The following CCDC148 variants were observed in gnomAD, a reference collection of about 807,000 sequenced individuals.
CCDC148 encodes the protein coiled-coil domain containing 148.
In CCDC148, 89 loss-of-function variants were observed where a neutral mutation model predicts 85.7. That is an observed-to-expected ratio of 1.04 (90% CI 0.87 to 1.24). CCDC148 has a LOEUF of 1.24. Ranked by LOEUF, CCDC148 falls within the 50% of genes most tolerant of loss-of-function variation. The pLI is 0.00. For missense variants in CCDC148, 692 were observed against 671.7 expected, an observed-to-expected ratio of 1.03 and a Z score of -0.33; for synonymous variants, 230 against 213.9, an observed-to-expected ratio of 1.08 and a Z score of -0.66.
intron 11 of CCDC148, among the ~76,000 whole-genome samples, chr2:158,195,015 G>A (rs1018535802): frequency 1.3e-5 from 2 of 151,584 alleles, no homozygotes; most frequent in South Asian, 2.1e-4. Context: ...TGCTTGTCTC[G>A]CTGGGATCAA....
intron 11 of CCDC148, among the ~76,000 whole-genome samples, chr2:158,185,760 C>T (rs998489999): frequency 2.0e-5 from 3 of 152,110 alleles, no homozygotes; most frequent in Admixed American, 6.6e-5. Context: ...CTCTTTCTAC[C>T]TGACCTTCTG....
intron 13 of CCDC148, among the ~76,000 whole-genome samples, chr2:158,175,180 G>A (rs1299332940): frequency 6.6e-6 from 1 of 152,008 alleles, no homozygotes; most frequent in Non-Finnish European, 1.5e-5. Flanking sequence ...GGTCAACCGA[G>A]TATAAGGGTT....
rs72202074 is a variant in CCDC148 at position 158,217,393 on chromosome 2, T to TAC, written c.1370+3200_1370+3201dup. On this transcript the variant is annotated intron_variant, in intron 11 of 13. Transcript: ENST00000283233. ...GTGTGTGTATATATATATATATATA[T>TAC]ACACACACACATACATTTCATTTTT... Among the ~76,000 whole-genome samples, 381 of 135,314 alleles carry TAC rather than the reference T, an allele frequency of 2.8e-3. 1 individual carries two copies. The highest frequency in any genetic ancestry group is 8.7e-3 in the African/African-American group (313 of 36,070). The allele number at this position is 135,314 out of a possible 152,430, so 88.8% of individuals were successfully genotyped here. A position where few individuals can be genotyped will look rare whatever the true frequency, so the allele number is the denominator to read the frequency against.
chr2:158,312,597 A>G (rs1336372332), intron 8 of CCDC148, among the ~76,000 whole-genome samples: 17 of 142,574 alleles, frequency 1.2e-4, no homozygotes, highest in African/African-American at 4.0e-4. Context: ...AAAAAAAAAA[A>G]CCAAAAAACA....
intron 2 of CCDC148, among the ~76,000 whole-genome samples, chr2:158,353,339 G>T (rs999951065): frequency 1.4e-5 from 2 of 148,092 alleles, no homozygotes; most frequent in Non-Finnish European, 3.0e-5. Flanking sequence ...CCCATCTCAC[G>T]TGCAGACACA....
At chr2:158,276,735 T>C (rs1019153206) in intron 9 of CCDC148, among the ~76,000 whole-genome samples, 10 of 152,194 alleles carry the variant, frequency 6.6e-5, no homozygotes, top group Non-Finnish European at 7.4e-5. Context: ...CCATTTGAAA[T>C]TGTGAAGAAG....
At chr2:158,222,407 A>G (rs1024325107) in intron 10 of CCDC148, among the ~76,000 whole-genome samples, 6 of 151,584 alleles carry the variant, frequency 4.0e-5, no homozygotes, top group African/African-American at 1.5e-4. Context: ...TCCATCTTTG[A>G]CTCTGAAGGT....
chr2:158,193,382 A>G (rs1361425066), intron 11 of CCDC148, among the ~76,000 whole-genome samples: 2 of 152,118 alleles, frequency 1.3e-5, no homozygotes, highest in African/African-American at 4.8e-5. Context: ...GGAAGACTCT[A>G]TTCTGAGACT....
chr2:158,273,744 C>T (rs1689801051), intron 9 of CCDC148, among the ~76,000 whole-genome samples: 1 of 152,126 alleles, frequency 6.6e-6, no homozygotes, highest in South Asian at 2.1e-4. Context: ...ATTCACTGTG[C>T]CATCCCTCCA....
chr2:158,454,612 A>G (rs1415610523), intron 1 of CCDC148, among the ~76,000 whole-genome samples: 2 of 152,234 alleles, frequency 1.3e-5, no homozygotes, highest in Admixed American at 1.3e-4. Flanking sequence ...GGGCTTCAGG[A>G]GAGCAGACAT....
At chr2:158,340,935 T>C (rs576564713) in intron 3 of CCDC148, among the ~76,000 whole-genome samples, 1 of 152,196 alleles carries the variant, frequency 6.6e-6, no homozygotes, top group South Asian at 2.1e-4. Flanking sequence ...CCCAGAGCAT[T>C]GGGAAGCACT....
At chr2:158,282,032 G>C (rs1458953405) in intron 9 of CCDC148, among the ~76,000 whole-genome samples, 2 of 151,848 alleles carry the variant, frequency 1.3e-5, no homozygotes, top group Admixed American at 6.6e-5. Flanking sequence ...AAAACCACAT[G>C]ATTATCTCAA....
intron 1 of CCDC148, among the ~76,000 whole-genome samples, chr2:158,398,952 C>T (rs368291789): frequency 9.9e-5 from 15 of 152,068 alleles, no homozygotes; most frequent in South Asian, 6.2e-4. Context: ...ATATCACCAC[C>T]GATCCCACAG....
At position 158,179,166 on chromosome 2, in the gene CCDC148, ATTTTTTTTT is replaced by A. The variant is rs10699879; in HGVS notation, c.1371-179_1371-171del. 6.0e-5 allele frequency among the ~76,000 whole-genome samples: 5 copies of A among 82,806 alleles called. No homozygotes were observed. In the South Asian group the frequency reaches 2.0e-3, roughly 33 times the overall value. The allele number at this position is 82,806 out of a possible 152,430, so 54.3% of individuals were successfully genotyped here. A position where few individuals can be genotyped will look rare whatever the true frequency, so the allele number is the denominator to read the frequency against. ...ATAAAAGACACTCATATAAAATGCA[ATTTTTTTTT>A]TTTTTTTTTTTTTTGAGACACAGTC... On this transcript the variant is annotated intron_variant, in intron 11 of 13. Transcript: ENST00000283233.
At chr2:158,236,777 A>C (rs951985539) in intron 10 of CCDC148, among the ~76,000 whole-genome samples, 4 of 152,178 alleles carry the variant, frequency 2.6e-5, no homozygotes, top group Non-Finnish European at 4.4e-5. Flanking sequence ...TATACTTTTC[A>C]TTCATTTAAT....
chr2:158,330,007 C>T (rs1693009254), intron 7 of CCDC148, among the ~76,000 whole-genome samples: 1 of 152,166 alleles, frequency 6.6e-6, no homozygotes, highest in South Asian at 2.1e-4. Context: ...ATTTCCTTCT[C>T]CTGCCTGATT....
chr2:158,187,416 C>CT (rs1011224496), intron 11 of CCDC148, among the ~76,000 whole-genome samples: 1 of 152,064 alleles, frequency 6.6e-6, no homozygotes, highest in Non-Finnish European at 1.5e-5. Context: ...CAGACACCAT[C>CT]TTTTTTTCTT....
chr2:158,365,660 G>C (rs1052346745), intron 1 of CCDC148, among the ~76,000 whole-genome samples: 1 of 152,116 alleles, frequency 6.6e-6, no homozygotes, highest in Non-Finnish European at 1.5e-5. Context: ...CTGTCGGGGG[G>C]TGGAGGGCTA....
At chr2:158,426,201 T>G (rs894617617) in intron 1 of CCDC148, among the ~76,000 whole-genome samples, 1 of 151,830 alleles carries the variant, frequency 6.6e-6, no homozygotes, top group South Asian at 2.1e-4. Context: ...CATTAAAGTT[T>G]GATCAAAAGT....
Sources: gnomAD v4.1 joint callset for allele counts (sites outside exome capture counted in the v4.1 genomes callset) on GRCh38, gnomAD v4.1.1 for gene constraint, MANE v1.5 for transcripts, NCBI Gene and HGNC (gene_info 2026-07-23, HGNC 2026-07-21) for gene names.